The following TSBP1 variants were observed in gnomAD, a reference collection of about 807,000 sequenced individuals.
TSBP1 encodes the protein testis-expressed basic protein 1.
Under a neutral mutation model 68.8 loss-of-function variants are expected in TSBP1, and 56 were observed. The observed-to-expected ratio is 0.81, with a 90% CI of 0.66 to 1.02. TSBP1 has a LOEUF of 1.02. Ranked by LOEUF, TSBP1 falls within the 50% of genes least tolerant of loss-of-function variation. The pLI is 0.00. For missense variants in TSBP1, 502 were observed against 641.2 expected (o/e 0.78, Z 2.34); for synonymous variants, 171 against 208.7 (o/e 0.82, Z 1.56).
rs1490313320 is a variant in TSBP1, at chr6:32,321,561, T to C, written c.559+1556A>G. 6.6e-6 allele frequency among the ~76,000 whole-genome samples: 1 copy of C among 152,162 alleles called. No homozygotes were observed. The highest frequency in any genetic ancestry group is 1.5e-5 in the Non-Finnish European group (1 of 68,024). The stretch of plus-strand genomic sequence containing the variant: ...TCATCTCTGGGTCGGAACCATTGTC[T>C]CTGTATTTTTATCTGTGCCGTGAGA... On this transcript the variant is annotated intron_variant, in intron 18 of 22. Coordinates refer to ENST00000612031, the Ensembl canonical transcript of TSBP1. This position sits in a 1 kb window ranked among gnomAD's most constrained non-coding sequence, Gnocchi z 4.3.
In TSBP1 at chr6:32,365,790, C is replaced by T; in HGVS notation, c.217+377G>A. On this transcript the variant is annotated intron_variant, in intron 6 of 22. Coordinates refer to ENST00000612031, the Ensembl canonical transcript of TSBP1. The surrounding 1 kb of genome is among the most constrained non-coding windows in gnomAD (Gnocchi z 4.3). ...ATACATCTGTTCTAGGATTTTATAA[C>T]CTGACAGCGTGCTGGAACTTCTCTG... The T allele has an allele frequency of 2.5e-6, 1 of 401,164 alleles. No homozygotes were observed. The highest frequency in any genetic ancestry group is 1.9e-5 in the South Asian group (1 of 53,066). 24.9% of individuals were successfully genotyped at this position (401,164 alleles called of 1,614,324 possible). A position where few individuals can be genotyped will look rare whatever the true frequency, so the allele number is the denominator to read the frequency against.
intron 18 of TSBP1, 57 bp from the exon 20 acceptor site, chr6:32,322,563 T>C: frequency 7.7e-7 from 1 of 1,295,464 alleles, no homozygotes; most frequent in Non-Finnish European, 1.1e-6. Context: ...AAACACATAG[T>C]ATTATCTAAT....
At chr6:32,370,602 T>C (rs1005711682) in intron 1 of TSBP1, among the ~76,000 whole-genome samples, 11 of 151,904 alleles carry the variant, frequency 7.2e-5, no homozygotes, top group African/African-American at 2.7e-4. Context: ...AGAAATTTCT[T>C]GTCACAGAAA....
chr6:32,369,965 A>G, exon 2 of TSBP1: 2 of 1,611,978 alleles, frequency 1.2e-6, no homozygotes, highest in Non-Finnish European at 1.7e-6. Context: ...TAGAGTCAGG[A>G]TGACAGCCAA....
At chr6:32,295,686 A>AAAAG (rs1764631405) in intron 22 of TSBP1, among the ~76,000 whole-genome samples, 1 of 152,196 alleles carries the variant, frequency 6.6e-6, no homozygotes, top group Non-Finnish European at 1.5e-5. Context: ...AGCACTTGGT[A>AAAAG]CAGTGCATGG....
intron 1 of TSBP1, among the ~76,000 whole-genome samples, chr6:32,370,819 C>T (rs1774326046): frequency 7.2e-6 from 1 of 138,794 alleles, no homozygotes; most frequent in African/African-American, 2.7e-5. Flanking sequence ...TTATAAAGGG[C>T]AGTGGCTATG....
At position 32,302,527 on chromosome 6, in the gene TSBP1, A is replaced by G; in HGVS notation, c.601+82T>C. On this transcript the variant is annotated intron_variant, in intron 20 of 22. Transcript: ENST00000612031. This position sits in a 1 kb window ranked among gnomAD's most constrained non-coding sequence, Gnocchi z 5.1. ...CCCAGCAAACAAAAACAAACATAAA[A>G]CATTAAAAACATTTGTAGAAAAAAT... 1.1e-6 allele frequency: 1 copy of G among 906,140 alleles called. No homozygotes were observed. Among genetic ancestry groups the G allele is most frequent in the South Asian group, 1.4e-5 (1 of 71,340 alleles). The allele number at this position is 906,140 out of a possible 1,614,324, so 56.1% of individuals were successfully genotyped here. A position where few individuals can be genotyped will look rare whatever the true frequency, so the allele number is the denominator to read the frequency against.
In TSBP1 at chr6:32,366,157, A is replaced by G; in HGVS notation, c.217+10T>C. The G allele has an allele frequency of 6.2e-7, 1 of 1,602,634 alleles. No individual in the cohort carries two copies. Among genetic ancestry groups the G allele is most frequent in the Non-Finnish European group, 8.5e-7 (1 of 1,175,788 alleles). On this transcript the variant is annotated intron_variant, in intron 6 of 22. Coordinates refer to ENST00000612031, the Ensembl canonical transcript of TSBP1. ...CCTTTAATTTTACAAAAATCTCTAC[A>G]TATACTTACCTCGGTTATCATATGA...
Position 32,346,011 on chromosome 6 carries a change from T to TCCTCATCTTAAGGATGCTTATTATCATAA in TSBP1, c.349+3728_349+3729insTTATGATAATAAGCATCCTTAAGATGAGG, listed in dbSNP as rs1268210715. Among the ~76,000 whole-genome samples the TCCTCATCTTAAGGATGCTTATTATCATAA allele has an allele frequency of 7.4e-4, 36 of 48,504 alleles. 7 individuals carry two copies. Among genetic ancestry groups the TCCTCATCTTAAGGATGCTTATTATCATAA allele is most frequent in the Non-Finnish European group, 1.0e-3 (23 of 22,130 alleles). 31.8% of individuals were successfully genotyped at this position (48,504 alleles called of 152,430 possible). On this transcript the variant is annotated intron_variant, in intron 9 of 22. Transcript: ENST00000612031. ...AAATGTGTCATATCCTCATTTTTTT[T>TCCTCATCTTAAGGATGCTTATTATCATAA]TTTTTTTTTTTTTTGAGACGGAGTC...
intron 1 of TSBP1, among the ~76,000 whole-genome samples, chr6:32,370,281 C>T (rs1774236392): frequency 6.6e-6 from 1 of 151,734 alleles, no homozygotes. Flanking sequence ...CTTTACTCCC[C>T]AGGCAGGAAG....
intron 22 of TSBP1, among the ~76,000 whole-genome samples, chr6:32,298,391 C>A (rs1764922904): frequency 6.6e-6 from 1 of 152,132 alleles, no homozygotes; most frequent in Non-Finnish European, 1.5e-5. Context: ...ACCAGCCTGA[C>A]CAACATAGTG....
At chr6:32,294,957 G>A (rs1170043003) in intron 22 of TSBP1, among the ~76,000 whole-genome samples, 1 of 152,040 alleles carries the variant, frequency 6.6e-6, no homozygotes, top group Admixed American at 6.6e-5. Flanking sequence ...GGTTCTTGCC[G>A]TGGAGCAGAG....
chr6:32,311,059 T>A (rs1454623552), intron 19 of TSBP1, among the ~76,000 whole-genome samples: 1 of 152,178 alleles, frequency 6.6e-6, no homozygotes, highest in African/African-American at 2.4e-5. Context: ...TTTTCCATAT[T>A]GAAATACTAT....
At chr6:32,368,154 TATA>T (rs1286624467) in intron 3 of TSBP1, among the ~76,000 whole-genome samples, 197 bp from the exon 4 acceptor site, 1 of 152,240 alleles carries the variant, frequency 6.6e-6, no homozygotes, top group African/African-American at 2.4e-5. Flanking sequence ...TCACCAATTT[TATA>T]ATATTAGCCA....
rs900624410 is a variant in TSBP1, at chr6:32,314,029, G to A, written c.580+1743C>T. On this transcript the variant is annotated intron_variant, in intron 19 of 22. Coordinates refer to ENST00000612031, the Ensembl canonical transcript of TSBP1. The surrounding 1 kb of genome is among the most constrained non-coding windows in gnomAD (Gnocchi z 4.2). Reference sequence around the variant, plus strand: ...GTTGAAACCCTACCTTTGTTCCTGAGGCAAAGCTGCTACCTCTGTTTCCTC... The same window carrying A: ...GTTGAAACCCTACCTTTGTTCCTGAAGCAAAGCTGCTACCTCTGTTTCCTC... Among the ~76,000 whole-genome samples the A allele has an allele frequency of 9.4e-5, 14 of 148,162 alleles. No homozygotes were observed. The highest frequency in any genetic ancestry group is 2.0e-4 in the Non-Finnish European group (13 of 66,380).
intron 4 of TSBP1, among the ~76,000 whole-genome samples, chr6:32,367,713 T>A (rs1773914778): frequency 1.3e-5 from 2 of 152,204 alleles, no homozygotes; most frequent in African/African-American, 4.8e-5. Context: ...GGAAATGAAT[T>A]CTTTTGATGG....
chr6:32,345,016 A>G (rs1303737360), intron 9 of TSBP1, among the ~76,000 whole-genome samples: 1 of 151,916 alleles, frequency 6.6e-6, no homozygotes, highest in Non-Finnish European at 1.5e-5. Context: ...ACCATGCCCT[A>G]CTAATTCTTT....
At chr6:32,359,064 C>G (rs1288368048) in intron 6 of TSBP1, among the ~76,000 whole-genome samples, 1 of 128,760 alleles carries the variant, frequency 7.8e-6, no homozygotes, top group Non-Finnish European at 1.7e-5. Context: ...GCTATCCCTC[C>G]CCCCTCCCCC....
At chr6:32,312,034 A>C (rs1181061657) in intron 19 of TSBP1, among the ~76,000 whole-genome samples, 1 of 152,192 alleles carries the variant, frequency 6.6e-6, no homozygotes, top group African/African-American at 2.4e-5. Flanking sequence ...GCATCTCTGC[A>C]GTACGAGCAA....
Sources: allele counts gnomAD v4.1 joint callset (sites outside exome capture counted in the v4.1 genomes callset), GRCh38; gene constraint gnomAD v4.1.1; non-coding constraint Gnocchi (gnomAD v3.1); transcripts MANE v1.5; gene names NCBI Gene and HGNC (gene_info 2026-07-23, HGNC 2026-07-21).